SLC7A11: variants seen among roughly 807,000 people sequenced by gnomAD.
The protein encoded by SLC7A11 is cystine/glutamate transporter.
SLC7A11 carries 35 observed loss-of-function variants against 54.5 expected under a neutral mutation model. The ratio of observed to expected loss-of-function variants is 0.64; its 90% CI spans 0.49 to 0.85. The LOEUF is 0.85. Among genes scored for constraint, SLC7A11 ranks in the 40% least tolerant of loss-of-function variants. The pLI is 0.00. For synonymous variants in SLC7A11, 230 were observed against 225.2 expected (o/e 1.02, Z -0.19); for missense variants, 583 against 618.1 (o/e 0.94, Z 0.60).
At chr4:138,196,556 C>T (rs1156967751) in intron 6 of SLC7A11, among the ~76,000 whole-genome samples, 1 of 151,926 alleles carries the variant, frequency 6.6e-6, no homozygotes. Context: ...TAGAATATAC[C>T]AAGTGAGGAT....
At chr4:138,202,022 A>G (rs1737297686) in intron 6 of SLC7A11, among the ~76,000 whole-genome samples, 1 of 152,118 alleles carries the variant, frequency 6.6e-6, no homozygotes, top group Non-Finnish European at 1.5e-5. Flanking sequence ...ACCCATCAGA[A>G]AAGATTCCTC....
intron 6 of SLC7A11, among the ~76,000 whole-genome samples, chr4:138,187,509 C>T (rs1736907127): frequency 6.6e-6 from 1 of 152,118 alleles, no homozygotes; most frequent in Non-Finnish European, 1.5e-5. Context: ...AATTCAGGTG[C>T]ATACACACCC....
At position 138,242,021 on chromosome 4, in the gene SLC7A11, G is replaced by C. The variant is rs768835477; in HGVS notation, c.49C>G (p.Gln17Glu). 6.2e-7 allele frequency: 1 copy of C among 1,613,956 alleles called. No homozygotes were observed. The highest frequency in any genetic ancestry group is 1.3e-5 in the African/African-American group (1 of 74,920). Residue 17 changes from glutamine (Q) to glutamate (E), a missense_variant, in exon 1 of 12, where the codon CAG (glutamine) becomes GAG (glutamate). Gln to Glu is a conservative substitution (Grantham distance 29). Transcript: ENST00000280612. ...VSTISKGGYL[Q>E]GNVNGRLPSL... The stretch of plus-strand genomic sequence containing the variant: ...GGCAGCCTCCCGTTAACATTTCCCT[G>C]CAGGTAACCTCCTTTGGAGATGGTG...
At chr4:138,212,675 G>C (rs1737579672) in intron 6 of SLC7A11, among the ~76,000 whole-genome samples, 1 of 151,698 alleles carries the variant, frequency 6.6e-6, no homozygotes, top group Admixed American at 6.6e-5. Context: ...CAGAAATTTG[G>C]GTTGAGGTAA....
intron 3 of SLC7A11, among the ~76,000 whole-genome samples, chr4:138,224,611 T>C (rs1737892771): frequency 6.6e-6 from 1 of 151,992 alleles, no homozygotes; most frequent in African/African-American, 2.4e-5. Context: ...GGCAAAAAAA[T>C]GGAAATAGCC....
rs771616565 is a variant in SLC7A11 at position 138,242,013 on chromosome 4, A to T, written c.57T>A (p.Asn19Lys). Residue 19 changes from asparagine (N) to lysine (K), a missense_variant, in exon 1 of 12, where the codon AAT becomes AAA. Coordinates refer to ENST00000280612, the MANE Select transcript of SLC7A11 (RefSeq NM_014331.4). ...CCAGGGAAGGCAGCCTCCCGTTAAC[A>T]TTTCCCTGCAGGTAACCTCCTTTGG... The part of the protein sequence containing the change: ...TISKGGYLQG[N>K]VNGRLPSLGN... 2 of 1,614,050 alleles carry T rather than the reference A, an allele frequency of 1.2e-6. No homozygotes were observed. The highest frequency in any genetic ancestry group is 1.1e-5 in the South Asian group (1 of 91,074).
At chr4:138,207,684 GCA>G in intron 6 of SLC7A11, among the ~76,000 whole-genome samples, 1 of 152,050 alleles carries the variant, frequency 6.6e-6, no homozygotes, top group Admixed American at 6.6e-5. Flanking sequence ...AGCCTGGGCA[GCA>G]CAGTAAGTGA....
chr4:138,211,211 C>T (rs1321256801), intron 6 of SLC7A11, among the ~76,000 whole-genome samples: 5 of 151,580 alleles, frequency 3.3e-5, no homozygotes, highest in Admixed American at 1.3e-4. Context: ...AACACATAGA[C>T]GGGAACAATA....
At chr4:138,198,456 T>C (rs1341951903) in intron 6 of SLC7A11, among the ~76,000 whole-genome samples, 1 of 152,184 alleles carries the variant, frequency 6.6e-6, no homozygotes, top group Non-Finnish European at 1.5e-5. Context: ...ATGCTGGAAG[T>C]ATTGAGCCTC....
intron 6 of SLC7A11, among the ~76,000 whole-genome samples, chr4:138,210,210 T>C (rs912837664): frequency 6.6e-6 from 1 of 152,028 alleles, no homozygotes; most frequent in Non-Finnish European, 1.5e-5. Flanking sequence ...AGGATGAAAC[T>C]GGACCCCTAT....
rs140100905 is a variant in SLC7A11 at position 138,180,675 on chromosome 4, C to T, written c.1232G>A (p.Arg411Gln). 190 of 1,612,762 alleles carry T rather than the reference C, an allele frequency of 1.2e-4. 2 individuals are homozygous for T. The highest frequency in any genetic ancestry group is 6.6e-4 in the Middle Eastern group (4 of 6,074). Residue 411 changes from arginine to glutamine, a missense_variant, in exon 10 of 12, where the codon CGA (arginine) becomes CAA (glutamine). Physicochemically the swap from Arg to Gln is conservative, Grantham distance 43. Transcript: ENST00000280612. ...ACGATGCATATCTGGGCATTTGTAT[C>T]GAAGATAAATCAGCCCAGCAACTGC... Reference protein sequence around the residue: ...GLAVAGLIYLRYKCPDMHRPF... With the variant: ...GLAVAGLIYLQYKCPDMHRPF...
chr4:138,204,539 A>G (rs760896589), intron 6 of SLC7A11, among the ~76,000 whole-genome samples: 1 of 152,042 alleles, frequency 6.6e-6, no homozygotes, highest in Non-Finnish European at 1.5e-5. Flanking sequence ...AAATATTAAA[A>G]TACATGATGC....
At chr4:138,227,622 G>C (rs1045603395) in intron 3 of SLC7A11, among the ~76,000 whole-genome samples, 1 of 152,138 alleles carries the variant, frequency 6.6e-6, no homozygotes, top group Non-Finnish European at 1.5e-5. Context: ...TGCATAGGTA[G>C]TAACAGTGAA....
intron 2 of SLC7A11, among the ~76,000 whole-genome samples, chr4:138,235,984 G>A: frequency 6.6e-6 from 1 of 152,024 alleles, no homozygotes; most frequent in East Asian, 1.9e-4. Flanking sequence ...TATTTAATTT[G>A]GTCTAGTTGG....
intron 3 of SLC7A11, among the ~76,000 whole-genome samples, chr4:138,226,593 C>T (rs936144517): frequency 9.2e-5 from 14 of 152,080 alleles, no homozygotes; most frequent in Admixed American, 5.9e-4. Flanking sequence ...GAAGCTTCTC[C>T]GGTGGCTATA....
intron 2 of SLC7A11, among the ~76,000 whole-genome samples, chr4:138,233,850 A>G (rs1434741499): frequency 1.3e-5 from 2 of 152,176 alleles, no homozygotes; most frequent in African/African-American, 2.4e-5. Context: ...TTCTTCAGTT[A>G]GCTTCTTCCC....
intron 3 of SLC7A11, among the ~76,000 whole-genome samples, chr4:138,225,065 A>G (rs113179176): frequency 6.7e-5 from 10 of 149,360 alleles, no homozygotes; most frequent in African/African-American, 2.2e-4. Flanking sequence ...ACCACAGAAC[A>G]AAACAAAAAA....
intron 11 of SLC7A11, among the ~76,000 whole-genome samples, chr4:138,178,378 A>G (rs1413594967): frequency 3.3e-5 from 5 of 152,028 alleles, no homozygotes; most frequent in African/African-American, 9.7e-5. Flanking sequence ...TATCCATTCT[A>G]TCATTGATGG....
In SLC7A11 at chr4:138,170,271, T is replaced by TATATATATACACAC. The variant is rs752680028; in HGVS notation, c.*1684_*1685insGTGTGTATATATAT. The stretch of plus-strand genomic sequence containing the variant: ...GTGTGTATATATATATATATATATA[T>TATATATATACACAC]ACACACACACACACACACACACATA... On this transcript the variant is annotated 3_prime_UTR_variant, in exon 12 of 12. Coordinates refer to ENST00000280612, the MANE Select transcript of SLC7A11 (RefSeq NM_014331.4). The TATATATATACACAC allele has an allele frequency of 0.019, 1,642 of 85,872 alleles. 27 individuals carry two copies. The highest frequency in any genetic ancestry group is 0.028 in the Non-Finnish European group (1,219 of 44,050). The allele number at this position is 85,872 out of a possible 1,614,324, so 5.3% of individuals were successfully genotyped here. A position where few individuals can be genotyped will look rare whatever the true frequency, so the allele number is the denominator to read the frequency against.
Sources: gnomAD v4.1 joint callset for allele counts (sites outside exome capture counted in the v4.1 genomes callset) on GRCh38, gnomAD v4.1.1 for gene constraint, MANE v1.5 for transcripts, NCBI Gene and HGNC (gene_info 2026-07-23, HGNC 2026-07-21) for gene names.